VPS13C: variants seen among roughly 807,000 people sequenced by gnomAD.
VPS13C encodes the protein intermembrane lipid transfer protein VPS13C.
In VPS13C, 358 loss-of-function variants were observed where a neutral mutation model predicts 456.8. The observed-to-expected ratio is 0.78, with a 90% CI of 0.72 to 0.86. The LOEUF (loss-of-function observed/expected upper bound fraction) is 0.86. VPS13C is among the 40% of genes least tolerant of loss of function. The pLI, the probability that VPS13C is intolerant of heterozygous loss-of-function variation, is 0.00. For synonymous variants in VPS13C, 1,578 were observed against 1,486.7 expected (o/e 1.06, Z -1.41); for missense variants, 4,818 against 4,385.4 (o/e 1.10, Z -2.79).
At chr15:61,860,210 A>C (rs1339189473) in intron 82 of VPS13C, among the ~76,000 whole-genome samples, 1 of 152,212 alleles carries the variant, frequency 6.6e-6, no homozygotes, top group African/African-American at 2.4e-5. Flanking sequence ...AGCAAATATA[A>C]ATAGATGATG....
chr15:61,934,572 T>C (rs75948600), intron 48 of VPS13C, among the ~76,000 whole-genome samples: 1 of 151,468 alleles, frequency 6.6e-6, no homozygotes. Flanking sequence ...TGTTAAAAAA[T>C]TTTTTTTTAA....
chr15:62,033,104 G>A (rs762315197), intron 5 of VPS13C, among the ~76,000 whole-genome samples: 1 of 151,422 alleles, frequency 6.6e-6, no homozygotes, highest in Non-Finnish European at 1.5e-5. Context: ...AAGAACACGG[G>A]TAAACATGCA....
intron 81 of VPS13C, chr15:61,864,567 T>C: frequency 1.0e-6 from 1 of 952,512 alleles, no homozygotes; most frequent in Non-Finnish European, 1.3e-6. Flanking sequence ...ATAATCAATA[T>C]AACCACAAGC....
intron 1 of VPS13C, among the ~76,000 whole-genome samples, chr15:62,057,331 T>C (rs1368111561): frequency 2.6e-5 from 4 of 152,246 alleles, no homozygotes; most frequent in Non-Finnish European, 5.9e-5. Flanking sequence ...TCATAAAATG[T>C]CACCTATTTT....
At position 61,864,158 on chromosome 15, in the gene VPS13C, G is replaced by A. The variant is rs983910952; in HGVS notation, c.10864-630C>T. The A allele has an allele frequency of 2.9e-5, 7 of 243,558 alleles. No homozygotes were observed. The South Asian group carries it at 4.6e-4, about 16-fold the overall frequency. 15.1% of individuals were successfully genotyped at this position (243,558 alleles called of 1,614,324 possible). A position where few individuals can be genotyped will look rare whatever the true frequency, so the allele number is the denominator to read the frequency against. ...ATTTGATCTTATACGTTAAACATGC[G>A]TGGGGAAGTATATTTATATATCAAA... On this transcript the variant is annotated intron_variant, in intron 81 of 84. Coordinates refer to ENST00000644861, the MANE Select transcript of VPS13C (RefSeq NM_020821.3).
rs1250489512 is a variant in VPS13C at position 61,929,704 on chromosome 15, A to G, written c.6083T>C (p.Ile2028Thr). 2 of 1,613,656 alleles carry G rather than the reference A, an allele frequency of 1.2e-6. No homozygotes were observed. The highest frequency in any genetic ancestry group is 1.7e-6 in the Non-Finnish European group (2 of 1,179,724). ...TTTGTCTTGTTTGTAACTTATATCAATCATAGAACTGTTGTTATCTTGGTC... is the reference window on the plus strand; with the variant it reads ...TTTGTCTTGTTTGTAACTTATATCAGTCATAGAACTGTTGTTATCTTGGTC... ...KNDQDNNSSM[I>T]DISYKQDKNG... Residue 2028 changes from isoleucine (I) to threonine (T), a missense_variant, in exon 51 of 85, where the codon ATT (isoleucine) becomes ACT (threonine). Coordinates refer to ENST00000644861, the MANE Select transcript of VPS13C (RefSeq NM_020821.3).
intron 16 of VPS13C, among the ~76,000 whole-genome samples, chr15:61,997,911 C>T (rs1329011641): frequency 6.6e-6 from 1 of 152,190 alleles, no homozygotes; most frequent in Non-Finnish European, 1.5e-5. Context: ...CAGATCATAT[C>T]ACCCTGTTTC....
chr15:62,019,997 G>T (rs935272489), intron 9 of VPS13C, among the ~76,000 whole-genome samples: 16 of 150,256 alleles, frequency 1.1e-4, no homozygotes, highest in Non-Finnish European at 1.5e-4. Flanking sequence ...TATATATACA[G>T]ACACACACTG....
chr15:62,003,457 G>A (rs1330410524), intron 15 of VPS13C, among the ~76,000 whole-genome samples: 85 of 151,956 alleles, frequency 5.6e-4, no homozygotes, highest in Middle Eastern at 3.4e-3. Flanking sequence ...CAATCATGTC[G>A]TCTGCAAACA....
At chr15:61,869,776 T>A (rs1894875081) in intron 79 of VPS13C, among the ~76,000 whole-genome samples, 153 bp from the exon 80 acceptor site, 1 of 152,222 alleles carries the variant, frequency 6.6e-6, no homozygotes, top group Non-Finnish European at 1.5e-5. Context: ...CCTAATGTGA[T>A]AAAATAGTGG....
At chr15:62,017,400 AG>A (rs761152517) in intron 9 of VPS13C, among the ~76,000 whole-genome samples, 117 of 152,176 alleles carry the variant, frequency 7.7e-4, no homozygotes, top group South Asian at 2.3e-3. Context: ...GTTTTCTTCT[AG>A]GGTTTTTATG....
In VPS13C at chr15:61,876,960, G is replaced by A; in HGVS notation, c.10224+13C>T. 1 of 1,576,174 alleles carries A rather than the reference G, an allele frequency of 6.3e-7. No homozygotes were observed. Among genetic ancestry groups the A allele is most frequent in the South Asian group, 1.1e-5 (1 of 87,718 alleles). ...AAGTATATTCCTTATGAAATACTAT[G>A]ATAGGAAATTACCTGTTCACTGTAA... On this transcript the variant is annotated intron_variant, in intron 75 of 84. Transcript: ENST00000644861.
chr15:61,866,561 C>A (rs1894608099), intron 81 of VPS13C: 1 of 984,936 alleles, frequency 1.0e-6, no homozygotes, highest in African/African-American at 1.7e-5. Context: ...TGATTTAAGT[C>A]AGCATCTTGA....
chr15:61,921,398 G>A (rs11635569), intron 55 of VPS13C, among the ~76,000 whole-genome samples: 56,764 of 151,642 alleles, frequency 0.37, 11,021 homozygotes, highest in Non-Finnish European at 0.42. Flanking sequence ...AGGTTTCTGA[G>A]GTGTTCTCAA....
chr15:61,888,178 A>G (rs982250757), intron 67 of VPS13C, among the ~76,000 whole-genome samples: 14 of 152,202 alleles, frequency 9.2e-5, no homozygotes, highest in Non-Finnish European at 1.6e-4. Flanking sequence ...GCTAAAATCC[A>G]AAACACCGAC....
intron 74 of VPS13C, among the ~76,000 whole-genome samples, chr15:61,877,410 AAAGTATTTCTCTATGTTATTTAAAACTT>A: frequency 2.4e-5 from 2 of 84,156 alleles, no homozygotes; most frequent in African/African-American, 6.0e-5. Flanking sequence ...ACACTGTGGA[AAAGTATTTCTCTATGTTATTTAAAACTT>A]GACATAACCA....
chr15:61,963,317 T>C (rs568932113), intron 32 of VPS13C, among the ~76,000 whole-genome samples: 79 of 152,140 alleles, frequency 5.2e-4, no homozygotes, highest in Non-Finnish European at 9.4e-4. Context: ...AACAAGCTAG[T>C]AAAAGTAAGC....
At chr15:61,926,040 C>T (rs942242746) in intron 52 of VPS13C, among the ~76,000 whole-genome samples, 3 of 152,000 alleles carry the variant, frequency 2.0e-5, no homozygotes, top group Non-Finnish European at 1.5e-5. Flanking sequence ...ATTAAAGAAA[C>T]GAATAAATAG....
chr15:61,876,761 C>CA (rs1895454460), intron 75 of VPS13C, among the ~76,000 whole-genome samples: 1 of 151,316 alleles, frequency 6.6e-6, no homozygotes, highest in Admixed American at 6.6e-5. Flanking sequence ...ATTGCAAAGT[C>CA]AAAAAAGGAA....
Sources: allele counts gnomAD v4.1 joint callset (sites outside exome capture counted in the v4.1 genomes callset), GRCh38; gene constraint gnomAD v4.1.1; transcripts MANE v1.5; gene names NCBI Gene and HGNC (gene_info 2026-07-23, HGNC 2026-07-21).